Variants in CCDC192 observed in about 807,000 individuals in gnomAD.
CCDC192 encodes coiled-coil domain containing 192.
At chr5:127,926,040 G>A (rs1753854532) in intron 6 of CCDC192, among the ~76,000 whole-genome samples, 3 of 152,188 alleles carry the variant, frequency 2.0e-5, no homozygotes, top group South Asian at 4.1e-4. Context: ...ACAAAAAAAG[G>A]GAAATGGGGC....
At chr5:127,846,186 G>A (rs149319703) in intron 5 of CCDC192, among the ~76,000 whole-genome samples, 1 of 151,702 alleles carries the variant, frequency 6.6e-6, no homozygotes, top group Non-Finnish European at 1.5e-5. Flanking sequence ...CTACTCGGGA[G>A]GCTAAGGCAG....
At chr5:127,926,358 A>G (rs1753861846) in intron 6 of CCDC192, among the ~76,000 whole-genome samples, 1 of 152,140 alleles carries the variant, frequency 6.6e-6, no homozygotes, top group Non-Finnish European at 1.5e-5. Flanking sequence ...TTACTTCCTT[A>G]TGGCTATTAT....
chr5:127,912,239 T>G (rs893821998), intron 6 of CCDC192, among the ~76,000 whole-genome samples: 5 of 151,526 alleles, frequency 3.3e-5, no homozygotes, highest in Non-Finnish European at 7.4e-5. Flanking sequence ...CCAAAAAAAA[T>G]TTTTGTCAGG....
intron 6 of CCDC192, among the ~76,000 whole-genome samples, chr5:127,902,804 G>C (rs536531624): frequency 6.6e-6 from 1 of 152,294 alleles, no homozygotes; most frequent in East Asian, 1.9e-4. Flanking sequence ...GATAGAGCTT[G>C]TGAAGTACCC....
intron 2 of CCDC192, among the ~76,000 whole-genome samples, chr5:127,716,799 T>C (rs1371247348): frequency 6.6e-6 from 1 of 152,174 alleles, no homozygotes; most frequent in South Asian, 2.1e-4. Flanking sequence ...CTTGCTTTGA[T>C]TGGAAACAGT....
chr5:127,738,980 G>A (rs200305447), intron 2 of CCDC192, among the ~76,000 whole-genome samples: 40,614 of 150,392 alleles, frequency 0.27, 6,383 homozygotes, highest in Middle Eastern at 0.38. Flanking sequence ...GAGGAACTGT[G>A]TTCCTTTGGA....
At chr5:127,786,841 A>C in intron 3 of CCDC192, 1 of 521,432 alleles carries the variant, frequency 1.9e-6, no homozygotes, top group East Asian at 3.5e-5. Context: ...TTTGATGTAG[A>C]AACTCTGGCT....
At chr5:127,751,518 C>T (rs1210582969) in intron 2 of CCDC192, among the ~76,000 whole-genome samples, 2 of 152,130 alleles carry the variant, frequency 1.3e-5, no homozygotes, top group Non-Finnish European at 2.9e-5. Flanking sequence ...TTGAGGGTAA[C>T]GTGACCTTTC....
chr5:127,939,062 C>T (rs1754276818), intron 6 of CCDC192, among the ~76,000 whole-genome samples: 1 of 148,706 alleles, frequency 6.7e-6, no homozygotes, highest in Non-Finnish European at 1.5e-5. Flanking sequence ...GAAATTTGAG[C>T]TGTTTTCCCG....
At chr5:127,855,996 T>C (rs1037899402) in intron 5 of CCDC192, among the ~76,000 whole-genome samples, 1 of 152,222 alleles carries the variant, frequency 6.6e-6, no homozygotes. Context: ...GAGAAAGTTA[T>C]CAGCTGCAGT....
chr5:127,707,941 G>C (rs1751065700), intron 2 of CCDC192, among the ~76,000 whole-genome samples, 181 bp downstream of exon 2: 1 of 152,050 alleles, frequency 6.6e-6, no homozygotes. Context: ...ATGTAAAGTG[G>C]GGTGGAGTGG....
chr5:127,750,930 T>C (rs1728653622), intron 2 of CCDC192, among the ~76,000 whole-genome samples: 2 of 150,072 alleles, frequency 1.3e-5, no homozygotes, highest in African/African-American at 4.9e-5. Context: ...GAGACTAAGA[T>C]TGCAACCCCT....
chr5:127,745,315 A>C (rs765286052), intron 2 of CCDC192, among the ~76,000 whole-genome samples: 1 of 152,220 alleles, frequency 6.6e-6, no homozygotes, highest in Admixed American at 6.5e-5. Flanking sequence ...ATAGATTAAG[A>C]AATCAAGAAA....
chr5:127,751,665 T>C (rs1030089914), intron 2 of CCDC192, among the ~76,000 whole-genome samples: 1 of 152,180 alleles, frequency 6.6e-6, no homozygotes, highest in Non-Finnish European at 1.5e-5. Context: ...TTGGCCTGCC[T>C]TGCTAGACTG....
intron 2 of CCDC192, among the ~76,000 whole-genome samples, chr5:127,753,102 C>A (rs985505973): frequency 1.3e-5 from 2 of 152,080 alleles, no homozygotes; most frequent in Non-Finnish European, 2.9e-5. Context: ...AGCTGTGGAC[C>A]GGAGCTGTTC....
At chr5:127,712,551 A>G (rs943105761) in intron 2 of CCDC192, among the ~76,000 whole-genome samples, 2 of 152,232 alleles carry the variant, frequency 1.3e-5, no homozygotes, top group African/African-American at 2.4e-5. Context: ...TGCTTCTTGT[A>G]CAGCCTACAG....
chr5:127,897,738 T>C (rs1448946184), intron 6 of CCDC192, among the ~76,000 whole-genome samples: 1 of 152,200 alleles, frequency 6.6e-6, no homozygotes, highest in Non-Finnish European at 1.5e-5. Context: ...TGCATTAGAA[T>C]AGGTGTTCTA....
chr5:127,741,425 A>C (rs1226377142), intron 2 of CCDC192, among the ~76,000 whole-genome samples: 2 of 152,174 alleles, frequency 1.3e-5, no homozygotes. Context: ...CTAAACAAGG[A>C]TTGCTTAATG....
intron 6 of CCDC192, among the ~76,000 whole-genome samples, chr5:127,894,187 ATTTTTTTT>A (rs70997350): frequency 1.2e-4 from 13 of 111,022 alleles, no homozygotes; most frequent in Non-Finnish European, 2.3e-4. Context: ...GTCCTATCTA[ATTTTTTTT>A]TTTTTTTTTT....
Sources: gnomAD v4.1 joint callset for allele counts (sites outside exome capture counted in the v4.1 genomes callset) on GRCh38, gnomAD v4.1.1 for gene constraint, MANE v1.5 for transcripts, NCBI Gene and HGNC (gene_info 2026-07-23, HGNC 2026-07-21) for gene names.